The following LAPTM5 variants were observed in gnomAD, a reference collection of about 807,000 sequenced individuals.
LAPTM5 encodes lysosomal protein transmembrane 5, also known as lysosomal-associated transmembrane protein 5.
A neutral mutation model predicts 30.1 loss-of-function variants in LAPTM5; 11 were observed. That is an observed-to-expected ratio of 0.37 (90% CI 0.23 to 0.60). The LOEUF (loss-of-function observed/expected upper bound fraction) is 0.60. LAPTM5 is among the 20% of genes least tolerant of loss of function. LAPTM5 has a pLI of 0.71. For missense variants in LAPTM5, 324 were observed against 332.5 expected, an observed-to-expected ratio of 0.97 and a Z score of 0.20; for synonymous variants, 151 against 137.9, an observed-to-expected ratio of 1.10 and a Z score of -0.67.
intron 1 of LAPTM5, among the ~76,000 whole-genome samples, chr1:30,750,869 G>T (rs753245704): frequency 1.3e-5 from 2 of 152,272 alleles, no homozygotes; most frequent in African/African-American, 2.4e-5. Context: ...GAGGCTGGGG[G>T]ACGGGTGCCT....
At chr1:30,751,844 CT>C (rs1166940787) in intron 1 of LAPTM5, among the ~76,000 whole-genome samples, 4 of 152,212 alleles carry the variant, frequency 2.6e-5, no homozygotes. Flanking sequence ...CAAATGATCA[CT>C]TTTGAGGCAG....
chr1:30,739,186 C>T lies in LAPTM5; in HGVS notation c.388-124G>A, dbSNP rs1569856866. 1.6e-6 allele frequency: 2 copies of T among 1,231,390 alleles called. No homozygotes were observed. The highest frequency in any genetic ancestry group is 1.5e-5 in the African/African-American group (1 of 66,128). 76.3% of individuals were successfully genotyped at this position (1,231,390 alleles called of 1,614,324 possible). ...AGCTACAGACATCAGTGACTCTCGTCCCCTGTGCACAGAGAGACATGAACA... is the reference window on the plus strand; with the variant it reads ...AGCTACAGACATCAGTGACTCTCGTTCCCTGTGCACAGAGAGACATGAACA... On this transcript the variant is annotated intron_variant, in intron 4 of 7. Transcript: ENST00000294507. This position sits in a 1 kb window ranked among gnomAD's most constrained non-coding sequence, Gnocchi z 4.2.
intron 1 of LAPTM5, among the ~76,000 whole-genome samples, chr1:30,752,077 A>G (rs1640145969): frequency 1.3e-5 from 2 of 152,208 alleles, no homozygotes; most frequent in South Asian, 4.1e-4. Context: ...AAACTGGACC[A>G]TAAAGAAGAA....
At chr1:30,740,953 AT>A (rs1375776392) in intron 3 of LAPTM5, among the ~76,000 whole-genome samples, 1 of 152,172 alleles carries the variant, frequency 6.6e-6, no homozygotes, top group Non-Finnish European at 1.5e-5. Context: ...TCCTACTCCC[AT>A]GGCTATGTGG....
chr1:30,749,524 G>A (rs1399617652), intron 1 of LAPTM5, among the ~76,000 whole-genome samples: 2 of 152,142 alleles, frequency 1.3e-5, no homozygotes, highest in African/African-American at 4.8e-5. Context: ...AGATTGGCTG[G>A]CACCTCCTGT....
At chr1:30,744,250 G>C (rs2124187484) in intron 1 of LAPTM5, among the ~76,000 whole-genome samples, 1 of 152,252 alleles carries the variant, frequency 6.6e-6, no homozygotes, top group South Asian at 2.1e-4. Flanking sequence ...GGCAGGTGTG[G>C]TGAGGGCTGT....
intron 1 of LAPTM5, among the ~76,000 whole-genome samples, chr1:30,753,415 C>A (rs1640165279): frequency 6.6e-6 from 1 of 152,100 alleles, no homozygotes; most frequent in African/African-American, 2.4e-5. Context: ...CAGCCGGGGG[C>A]TCAAAGTCAC....
At chr1:30,747,447 C>G (rs1053008176) in intron 1 of LAPTM5, among the ~76,000 whole-genome samples, 4 of 152,196 alleles carry the variant, frequency 2.6e-5, no homozygotes, top group African/African-American at 9.7e-5. Flanking sequence ...GCTCAGGCTG[C>G]GGTCCCAGCC....
At position 30,733,163 on chromosome 1, in the gene LAPTM5, C is replaced by A. The variant is rs998275693; in HGVS notation, c.*665G>T. The A allele has an allele frequency of 6.4e-6, 1 of 156,824 alleles. No homozygotes were observed. Among genetic ancestry groups the A allele is most frequent in the African/African-American group, 2.4e-5 (1 of 41,570 alleles). The allele number at this position is 156,824 out of a possible 1,614,324, so 9.7% of individuals were successfully genotyped here. A position where few individuals can be genotyped will look rare whatever the true frequency, so the allele number is the denominator to read the frequency against. ...TACAGCCACTCAGAGGTCCTACATT[C>A]GCCAGAGTTGGCATCCAGTTGATGG... On this transcript the variant is annotated 3_prime_UTR_variant, in exon 8 of 8. Transcript: ENST00000294507.
intron 1 of LAPTM5, among the ~76,000 whole-genome samples, chr1:30,750,369 G>T (rs1452222016): frequency 6.6e-6 from 1 of 152,146 alleles, no homozygotes; most frequent in Non-Finnish European, 1.5e-5. Flanking sequence ...TTTATTAGAC[G>T]CCAGGTCCTC....
chr1:30,741,973 T>C (rs12754344), intron 2 of LAPTM5: 150,113 of 383,042 alleles, frequency 0.39, 30,405 homozygotes, highest in Middle Eastern at 0.42. Context: ...AGGGTGAGGC[T>C]GAGGAAGGCA....
intron 6 of LAPTM5, among the ~76,000 whole-genome samples, 188 bp downstream of exon 6, chr1:30,737,416 G>A (rs570660561): frequency 6.6e-6 from 1 of 152,146 alleles, no homozygotes; most frequent in Non-Finnish European, 1.5e-5. Flanking sequence ...GCCCTAAATG[G>A]GCTGTCTCGG....
chr1:30,740,000 C>G lies in LAPTM5; in HGVS notation c.259-63G>C. The G allele has an allele frequency of 6.8e-7, 1 of 1,481,294 alleles. No homozygotes were observed. Among genetic ancestry groups the G allele is most frequent in the Admixed American group, 2.2e-5 (1 of 45,440 alleles). 91.8% of individuals were successfully genotyped at this position (1,481,294 alleles called of 1,614,324 possible). A position where few individuals can be genotyped will look rare whatever the true frequency, so the allele number is the denominator to read the frequency against. On this transcript the variant is annotated intron_variant, in intron 3 of 7. Transcript: ENST00000294507. This position sits in a 1 kb window ranked among gnomAD's most constrained non-coding sequence, Gnocchi z 4.2. The stretch of plus-strand genomic sequence containing the variant: ...ATGCAGCCAACACTCCGCCACCCAG[C>G]CTGATATCCTCATGCATCCCCTTCC...
At chr1:30,735,018 T>A (rs774668460) in intron 7 of LAPTM5, among the ~76,000 whole-genome samples, 155 bp downstream of exon 7, 1 of 152,192 alleles carries the variant, frequency 6.6e-6, no homozygotes, top group Non-Finnish European at 1.5e-5. Flanking sequence ...AGTGAATGAA[T>A]CTTAGACTAC....
At position 30,739,457 on chromosome 1, in the gene LAPTM5, A is replaced by T. The variant is rs570236882; in HGVS notation, c.387+352T>A. Among the ~76,000 whole-genome samples, 2 of 152,330 alleles carry T rather than the reference A, an allele frequency of 1.3e-5. No individual in the cohort carries two copies. The highest frequency in any genetic ancestry group is 2.9e-5 in the Non-Finnish European group (2 of 68,044). On this transcript the variant is annotated intron_variant, in intron 4 of 7. Coordinates refer to ENST00000294507, the MANE Select transcript of LAPTM5 (RefSeq NM_006762.3). The surrounding 1 kb of genome is among the most constrained non-coding windows in gnomAD (Gnocchi z 4.2). The stretch of plus-strand genomic sequence containing the variant: ...TCCTTTCTTCAACTTGGTTCCAAAG[A>T]AGAAATAATACTGGGGGCTGGGGGC...
chr1:30,751,132 G>T (rs1190175892), intron 1 of LAPTM5, among the ~76,000 whole-genome samples: 1 of 152,260 alleles, frequency 6.6e-6, no homozygotes, highest in Non-Finnish European at 1.5e-5. Flanking sequence ...GCCAGGCTAG[G>T]CCCTTCAGCC....
In LAPTM5 at chr1:30,737,889, G is replaced by A. The variant is rs566961116; in HGVS notation, c.511-190C>T. On this transcript the variant is annotated intron_variant, in intron 5 of 7. Coordinates refer to ENST00000294507, the MANE Select transcript of LAPTM5 (RefSeq NM_006762.3). ...ACCTTCAGCCCCATCCCACTGACGG[G>A]CAAACCAAGAAAAGCCAAGTGGCTA... Among the ~76,000 whole-genome samples the A allele has an allele frequency of 6.6e-4, 101 of 152,292 alleles. 1 individual carries two copies. The South Asian group carries it at 0.02, about 31-fold the overall frequency.
chr1:30,735,312 C>T (rs1399264299), intron 6 of LAPTM5, 47 bp from the exon 7 acceptor site: 3 of 1,492,638 alleles, frequency 2.0e-6, no homozygotes, highest in African/African-American at 2.8e-5. Flanking sequence ...GCGTCCTTCT[C>T]ACGCTCCAGC....
chr1:30,744,430 G>T (rs1314401135), intron 1 of LAPTM5, among the ~76,000 whole-genome samples: 1 of 152,188 alleles, frequency 6.6e-6, no homozygotes, highest in Non-Finnish European at 1.5e-5. Context: ...GAAGTGGTGA[G>T]CTCCCTGTTC....
Sources: allele counts gnomAD v4.1 joint callset (sites outside exome capture counted in the v4.1 genomes callset), GRCh38; gene constraint gnomAD v4.1.1; non-coding constraint Gnocchi (gnomAD v3.1); transcripts MANE v1.5; gene names NCBI Gene and HGNC (gene_info 2026-07-23, HGNC 2026-07-21).